ATG10: variants seen among roughly 807,000 people sequenced by gnomAD.
The protein encoded by ATG10 is ubiquitin-like-conjugating enzyme ATG10.
In ATG10, 30 loss-of-function variants were observed where a neutral mutation model predicts 32.1. The ratio of observed to expected loss-of-function variants is 0.94; its 90% CI spans 0.70 to 1.27. The LOEUF (loss-of-function observed/expected upper bound fraction) is 1.27, where lower values mean the gene tolerates loss of function less well. Among genes scored for constraint, ATG10 ranks in the 50% most tolerant of loss-of-function variants. The pLI, the probability that ATG10 is intolerant of heterozygous loss-of-function variation, is 0.00. For missense variants in ATG10, 233 were observed against 262.3 expected (o/e 0.89, Z 0.77); for synonymous variants, 87 against 91.5 (o/e 0.95, Z 0.28).
intron 5 of ATG10, among the ~76,000 whole-genome samples, chr5:82,216,723 T>G (rs1380584169): frequency 6.6e-6 from 1 of 152,138 alleles, no homozygotes. Context: ...TATTAGGAGT[T>G]TCATTAGATT....
intron 2 of ATG10, chr5:82,009,468 T>C (rs925161068): frequency 1.5e-6 from 1 of 685,270 alleles, no homozygotes; most frequent in Non-Finnish European, 2.5e-6. Flanking sequence ...AAGGAAAACA[T>C]GGAACCCAAA....
At chr5:82,067,709 A>G (rs1170579242) in intron 3 of ATG10, among the ~76,000 whole-genome samples, 2 of 152,230 alleles carry the variant, frequency 1.3e-5, no homozygotes, top group African/African-American at 2.4e-5. Context: ...AAGCAAAAAG[A>G]AAATCTACTT....
At chr5:82,003,266 A>T (rs1761900112) in intron 2 of ATG10, among the ~76,000 whole-genome samples, 1 of 152,244 alleles carries the variant, frequency 6.6e-6, no homozygotes, top group South Asian at 2.1e-4. Context: ...TATCAGTAGG[A>T]ATGCAAACTA....
intron 2 of ATG10, among the ~76,000 whole-genome samples, chr5:81,988,278 A>T (rs112179142): frequency 0.055 from 8,413 of 152,148 alleles, 580 homozygotes; most frequent in African/African-American, 0.17. Context: ...CTGGGACTAC[A>T]GATGTGCACC....
intron 2 of ATG10, among the ~76,000 whole-genome samples, chr5:82,055,588 C>G (rs1416588257): frequency 2.0e-5 from 3 of 152,124 alleles, no homozygotes; most frequent in African/African-American, 4.8e-5. Flanking sequence ...AGAGCAGTTA[C>G]CCTCATTTAA....
chr5:82,121,710 A>C (rs1254055920), intron 3 of ATG10, among the ~76,000 whole-genome samples: 1 of 152,164 alleles, frequency 6.6e-6, no homozygotes, highest in Non-Finnish European at 1.5e-5. Context: ...TTCTGCATCT[A>C]TTGAGATAAT....
intron 5 of ATG10, among the ~76,000 whole-genome samples, chr5:82,208,040 T>C (rs1466890461): frequency 6.6e-6 from 1 of 152,186 alleles, no homozygotes; most frequent in Admixed American, 6.5e-5. Flanking sequence ...TTTTTCCCGA[T>C]ATGGATATCC....
chr5:82,211,771 C>A (rs1366909042), intron 5 of ATG10, among the ~76,000 whole-genome samples: 1 of 152,206 alleles, frequency 6.6e-6, no homozygotes, highest in Non-Finnish European at 1.5e-5. Flanking sequence ...ACTCTAGCGT[C>A]CCCCAACTTC....
intron 3 of ATG10, among the ~76,000 whole-genome samples, chr5:82,128,391 T>C (rs1355151052): frequency 6.6e-6 from 1 of 152,090 alleles, no homozygotes; most frequent in Non-Finnish European, 1.5e-5. Flanking sequence ...GTTGATGGTC[T>C]TTACAATTTT....
chr5:82,015,191 G>A (rs1208951252), intron 2 of ATG10, among the ~76,000 whole-genome samples: 1 of 152,196 alleles, frequency 6.6e-6, no homozygotes, highest in Non-Finnish European at 1.5e-5. Flanking sequence ...TCTGCTGAGA[G>A]ATCCACTGTT....
intron 3 of ATG10, among the ~76,000 whole-genome samples, chr5:82,105,176 G>T (rs1376240269): frequency 1.3e-5 from 2 of 152,016 alleles, no homozygotes; most frequent in Non-Finnish European, 2.9e-5. Context: ...TGTAAGGAAT[G>T]CAAAAAGCAT....
chr5:82,143,057 A>G (rs1357670785), intron 3 of ATG10, among the ~76,000 whole-genome samples: 1 of 152,216 alleles, frequency 6.6e-6, no homozygotes, highest in East Asian at 1.9e-4. Context: ...AGTCAGGCCA[A>G]AGGGGTGAAT....
At chr5:82,022,563 T>C (rs1762472820) in intron 2 of ATG10, among the ~76,000 whole-genome samples, 4 of 151,500 alleles carry the variant, frequency 2.6e-5, no homozygotes, top group Non-Finnish European at 5.9e-5. Context: ...CATGAGGTGA[T>C]CCTCCTGCCT....
chr5:82,018,548 T>G (rs1762349337), intron 2 of ATG10, among the ~76,000 whole-genome samples: 1 of 152,210 alleles, frequency 6.6e-6, no homozygotes, highest in Non-Finnish European at 1.5e-5. Context: ...CTTCTCCACT[T>G]TCTTACTCCC....
At chr5:82,015,061 G>A (rs976006148) in intron 2 of ATG10, among the ~76,000 whole-genome samples, 1 of 152,136 alleles carries the variant, frequency 6.6e-6, no homozygotes, top group African/African-American at 2.4e-5. Flanking sequence ...TGTCTGTAAA[G>A]TATTTATTTC....
chr5:82,172,099 G>C (rs1477050098), intron 4 of ATG10, among the ~76,000 whole-genome samples: 1 of 152,156 alleles, frequency 6.6e-6, no homozygotes, highest in Non-Finnish European at 1.5e-5. Context: ...GAGTGATAGG[G>C]GAAAGGGTGA....
At chr5:82,127,804 G>A (rs1286756249) in intron 3 of ATG10, among the ~76,000 whole-genome samples, 3 of 152,072 alleles carry the variant, frequency 2.0e-5, no homozygotes, top group Non-Finnish European at 2.9e-5. Context: ...GGTCCACTTG[G>A]TCCAGAGCCG....
At chr5:82,161,389 TC>T (rs1406129207) in intron 3 of ATG10, among the ~76,000 whole-genome samples, 2 of 152,060 alleles carry the variant, frequency 1.3e-5, no homozygotes, top group Non-Finnish European at 2.9e-5. Context: ...GCTTGTTCTG[TC>T]CCCTCCCTCT....
At chr5:82,007,156 T>C (rs572888855) in intron 2 of ATG10, among the ~76,000 whole-genome samples, 1 of 152,320 alleles carries the variant, frequency 6.6e-6, no homozygotes, top group East Asian at 1.9e-4. Flanking sequence ...TTTAGCATAA[T>C]GTCCTCAAGG....
Sources: gnomAD v4.1 joint callset for allele counts (sites outside exome capture counted in the v4.1 genomes callset) on GRCh38, gnomAD v4.1.1 for gene constraint, MANE v1.5 for transcripts, NCBI Gene and HGNC (gene_info 2026-07-23, HGNC 2026-07-21) for gene names.